Variants in NRXN1 observed in about 807,000 individuals in gnomAD.
The protein encoded by NRXN1 is neurexin 1, also known as neurexin-1.
In NRXN1, 39 loss-of-function variants were observed where a neutral mutation model predicts 150.9. That is an observed-to-expected ratio of 0.26 (90% CI 0.20 to 0.34). The LOEUF (loss-of-function observed/expected upper bound fraction) is 0.34. Among genes scored for constraint, NRXN1 ranks in the 10% least tolerant of loss-of-function variants. NRXN1 has a pLI of 1.00. For missense variants in NRXN1, 1,815 were observed against 1,949.9 expected (o/e 0.93, Z 1.30); for synonymous variants, 924 against 757.0 (o/e 1.22, Z -3.62).
At position 50,546,810 on chromosome 2, in the gene NRXN1, TG is replaced by T. The variant is rs572366383; in HGVS notation, c.1759+5776del. On this transcript the variant is annotated intron_variant, in intron 9 of 22. Coordinates refer to ENST00000401669, the MANE Select transcript of NRXN1 (RefSeq NM_001330078.2). Reference sequence around the variant, plus strand: ...GTTTCCTCTGATGAATAGTGGTTTATGGGTGTGGATATGAAACAAAATATAA... The same window carrying T: ...GTTTCCTCTGATGAATAGTGGTTTATGGTGTGGATATGAAACAAAATATAA... Among the ~76,000 whole-genome samples, 168 of 152,302 alleles carry T rather than the reference TG, an allele frequency of 1.1e-3. 1 individual carries two copies. Among genetic ancestry groups the T allele is most frequent in the Admixed American group, 1.1e-3 (17 of 15,302 alleles).
In NRXN1 at chr2:50,351,313, T is replaced by G. The variant is rs138168859; in HGVS notation, c.3364+114129A>C. ...CTGTACCCCAAGAGTGTCAGTGCCT[T>G]TATCAGGAATTTATGCCCCAACACC... On this transcript the variant is annotated intron_variant, in intron 17 of 22. Coordinates refer to ENST00000401669, the MANE Select transcript of NRXN1 (RefSeq NM_001330078.2). 1.4e-4 allele frequency among the ~76,000 whole-genome samples: 22 copies of G among 152,282 alleles called. No homozygotes were observed. The East Asian group carries it at 4.2e-3, about 29-fold the overall frequency.
intron 9 of NRXN1, among the ~76,000 whole-genome samples, chr2:50,540,870 C>T (rs1406885250): frequency 1.3e-5 from 2 of 152,048 alleles, no homozygotes; most frequent in Non-Finnish European, 2.9e-5. Flanking sequence ...CAATGTTGGC[C>T]AGGTTGGTCT....
At chr2:50,654,772 G>A (rs1686166329) in intron 5 of NRXN1, among the ~76,000 whole-genome samples, 1 of 152,026 alleles carries the variant, frequency 6.6e-6, no homozygotes, top group Non-Finnish European at 1.5e-5. Context: ...GCATTTCTCT[G>A]ATGGCCAGTG....
intron 5 of NRXN1, among the ~76,000 whole-genome samples, chr2:50,717,500 C>G (rs1372702836): frequency 6.6e-6 from 1 of 152,140 alleles, no homozygotes; most frequent in Non-Finnish European, 1.5e-5. Context: ...TAAACATTCT[C>G]TTGACATTTC....
At chr2:50,070,058 G>T (rs1446074474) in intron 19 of NRXN1, among the ~76,000 whole-genome samples, 1 of 151,878 alleles carries the variant, frequency 6.6e-6, no homozygotes, top group African/African-American at 2.4e-5. Context: ...CACCGTGTTA[G>T]CCAGGGTGAT....
At chr2:50,593,639 T>G (rs1674649894) in intron 8 of NRXN1, among the ~76,000 whole-genome samples, 2 of 152,202 alleles carry the variant, frequency 1.3e-5, no homozygotes, top group Non-Finnish European at 2.9e-5. Flanking sequence ...GTGGATTAAT[T>G]GTGTGATGCT....
rs991133668 is a variant in NRXN1, at chr2:50,347,348, G to A, written c.3365-110378C>T. ...AAATTGTTTAAAGCTCCTCCTGGAA[G>A]GTCCTCACTTCTACATGACAGACAT... On this transcript the variant is annotated intron_variant, in intron 17 of 22. Transcript: ENST00000401669. The surrounding 1 kb of genome is among the most constrained non-coding windows in gnomAD (Gnocchi z 4.9). 1.6e-6 allele frequency: 2 copies of A among 1,226,080 alleles called. No individual in the cohort carries two copies. Among genetic ancestry groups the A allele is most frequent in the Non-Finnish European group, 2.1e-6 (2 of 960,032 alleles). The allele number at this position is 1,226,080 out of a possible 1,614,324, so 76.0% of individuals were successfully genotyped here.
chr2:50,768,751 C>A (rs935354297), intron 5 of NRXN1, among the ~76,000 whole-genome samples: 5 of 151,876 alleles, frequency 3.3e-5, no homozygotes, highest in Non-Finnish European at 5.9e-5. Context: ...CGAAAATCAC[C>A]ACGAAGTTCA....
At chr2:50,644,603 A>T (rs1015848523) in intron 5 of NRXN1, among the ~76,000 whole-genome samples, 5 of 151,668 alleles carry the variant, frequency 3.3e-5, no homozygotes, top group Non-Finnish European at 7.4e-5. Context: ...TCACTAGAAG[A>T]ATTTTTTTCC....
At chr2:50,097,273 C>T (rs574660142) in intron 18 of NRXN1, among the ~76,000 whole-genome samples, 1 of 152,250 alleles carries the variant, frequency 6.6e-6, no homozygotes, top group Admixed American at 6.5e-5. Flanking sequence ...AGCAGGGAGC[C>T]CTGTTTACGT....
intron 2 of NRXN1, among the ~76,000 whole-genome samples, chr2:50,998,820 T>A (rs1275264789): frequency 6.6e-6 from 1 of 152,036 alleles, no homozygotes; most frequent in Non-Finnish European, 1.5e-5. Flanking sequence ...AAATTCTTGT[T>A]TTGCACATAT....
At chr2:50,569,470 A>C (rs1289672744) in intron 8 of NRXN1, among the ~76,000 whole-genome samples, 1 of 152,050 alleles carries the variant, frequency 6.6e-6, no homozygotes, top group Non-Finnish European at 1.5e-5. Flanking sequence ...CCAAGAGTAG[A>C]TTCTGCCATA....
chr2:50,367,190 C>G (rs754528995), intron 17 of NRXN1, among the ~76,000 whole-genome samples: 3 of 151,882 alleles, frequency 2.0e-5, no homozygotes, highest in Non-Finnish European at 4.4e-5. Flanking sequence ...ATCCTCGTCT[C>G]TTGAACAGAA....
intron 15 of NRXN1, among the ~76,000 whole-genome samples, chr2:50,480,345 G>A (rs938330280): frequency 1.1e-4 from 16 of 152,110 alleles, no homozygotes; most frequent in Non-Finnish European, 1.9e-4. Flanking sequence ...ATCTTTGGAG[G>A]AAATTAAATT....
chr2:50,861,850 G>A (rs1377580650), intron 5 of NRXN1, among the ~76,000 whole-genome samples: 1 of 151,942 alleles, frequency 6.6e-6, no homozygotes, highest in Non-Finnish European at 1.5e-5. Flanking sequence ...GCAGTTATAA[G>A]TGTATTAATA....
At chr2:50,381,547 ACAC>A (rs2080969896) in intron 17 of NRXN1, among the ~76,000 whole-genome samples, 1 of 151,146 alleles carries the variant, frequency 6.6e-6, no homozygotes. Context: ...ACACACACAC[ACAC>A]ACACACACAC....
chr2:50,608,998 T>G (rs773267956), intron 8 of NRXN1, among the ~76,000 whole-genome samples: 2 of 152,116 alleles, frequency 1.3e-5, no homozygotes, highest in Admixed American at 6.6e-5. Context: ...TTTTGATACA[T>G]TAGATAGTGG....
chr2:50,369,087 C>A (rs1464276333), intron 17 of NRXN1, among the ~76,000 whole-genome samples: 1 of 151,832 alleles, frequency 6.6e-6, no homozygotes, highest in African/African-American at 2.4e-5. Flanking sequence ...AACTCATCGC[C>A]AAGTACCTTC....
rs964313759 is a variant in NRXN1, at chr2:50,410,921, CT to C, written c.3364+54520del. Among the ~76,000 whole-genome samples, 113 of 152,324 alleles carry C rather than the reference CT, an allele frequency of 7.4e-4. 1 individual carries two copies. The highest frequency in any genetic ancestry group is 2.6e-3 in the African/African-American group (107 of 41,572). Reference sequence around the variant, plus strand: ...TAAATTATTTAGAATATTGATTTAACTGCCTGAACTGTGTTAAGTTATATCT... The same window carrying C: ...TAAATTATTTAGAATATTGATTTAACGCCTGAACTGTGTTAAGTTATATCT... On this transcript the variant is annotated intron_variant, in intron 17 of 22. Coordinates refer to ENST00000401669, the MANE Select transcript of NRXN1 (RefSeq NM_001330078.2).
Sources: allele counts gnomAD v4.1 joint callset (sites outside exome capture counted in the v4.1 genomes callset), GRCh38; gene constraint gnomAD v4.1.1; non-coding constraint Gnocchi (gnomAD v3.1); transcripts MANE v1.5; gene names NCBI Gene and HGNC (gene_info 2026-07-23, HGNC 2026-07-21).